The following PINLYP variants were observed in gnomAD, a reference collection of about 807,000 sequenced individuals.
PINLYP encodes phospholipase A2 inhibitor and Ly6/PLAUR domain-containing protein.
A neutral mutation model predicts 15.8 loss-of-function variants in PINLYP; 12 were observed. That is an observed-to-expected ratio of 0.76 (90% CI 0.49 to 1.23). PINLYP has a LOEUF of 1.23. Ranked by LOEUF, PINLYP falls within the 50% of genes most tolerant of loss-of-function variation. PINLYP has a pLI of 0.00. For missense variants in PINLYP, 278 were observed against 264.2 expected (o/e 1.05, Z -0.36); for synonymous variants, 93 against 97.7 (o/e 0.95, Z 0.28).
chr19:43,581,816 T>G, intron 5 of PINLYP, 52 bp from the exon 6 acceptor site: 1 of 1,535,366 alleles, frequency 6.5e-7, no homozygotes, highest in Non-Finnish European at 8.7e-7. Context: ...TCTGGGATTA[T>G]GAGGAAGAAG....
intron 2 of PINLYP, among the ~76,000 whole-genome samples, chr19:43,577,842 G>A (rs1463028192): frequency 1.3e-5 from 2 of 152,090 alleles, no homozygotes. Flanking sequence ...GGAGGCAAAG[G>A]TTGCAGTGAG....
chr19:43,581,890 T>A, exon 6 of PINLYP: 1 of 1,536,772 alleles, frequency 6.5e-7, no homozygotes, highest in Non-Finnish European at 8.7e-7. Flanking sequence ...CCAGATTTGC[T>A]ATGCGGGGCT....
At chr19:43,579,966 A>G (rs1470127845) in intron 3 of PINLYP, among the ~76,000 whole-genome samples, 1 of 152,036 alleles carries the variant, frequency 6.6e-6, no homozygotes, top group Non-Finnish European at 1.5e-5. Context: ...CAGACCTGAA[A>G]AATGATGGAG....
At chr19:43,578,744 G>C in intron 3 of PINLYP, 38 bp downstream of exon 3, 1 of 1,472,862 alleles carries the variant, frequency 6.8e-7, no homozygotes, top group Non-Finnish European at 9.2e-7. Context: ...GGGGAGGTGG[G>C]GTGTACCTTC....
Position 43,576,091 on chromosome 19 carries a change from A to G in PINLYP, c.-906A>G, listed in dbSNP as rs1972859179. 6.6e-6 allele frequency: 1 copy of G among 151,902 alleles called. No homozygotes were observed. Among genetic ancestry groups the G allele is most frequent in the Non-Finnish European group, 1.5e-5 (1 of 67,992 alleles). The allele number at this position is 151,902 out of a possible 1,614,324, so 9.4% of individuals were successfully genotyped here. On this transcript the variant is annotated 5_prime_UTR_variant, in exon 1 of 6. It removes an upstream start codon present in the reference 5' UTR. Coordinates refer to ENST00000599207, the Ensembl canonical transcript of PINLYP. ...TAATTTTTGTATTTTTTGTGGAGAC[A>G]TGGGGTGAGAGGGCGGCGGGTCTTG...
intron 3 of PINLYP, 79 bp downstream of exon 3, chr19:43,578,785 G>C (rs1255132234): frequency 1.8e-6 from 2 of 1,090,570 alleles, no homozygotes; most frequent in African/African-American, 1.6e-5. Context: ...GCTGAGGGGG[G>C]ATCATCATGG....
At chr19:43,575,545 G>C, upstream of PINLYP, 1 of 1,426,376 alleles carries the variant, frequency 7.0e-7, no homozygotes, top group Non-Finnish European at 9.6e-7. Context: ...GGCGGGGTGC[G>C]CCCTGCGCTG....
intron 3 of PINLYP, chr19:43,580,477 G>A: frequency 3.1e-6 from 3 of 961,138 alleles, no homozygotes; most frequent in Non-Finnish European, 3.7e-6. Context: ...GCTGGGACCG[G>A]GGTTCATTGG....
chr19:43,575,551 CG>C, upstream of PINLYP: 2 of 1,422,128 alleles, frequency 1.4e-6, no homozygotes, highest in African/African-American at 1.4e-5. Flanking sequence ...GTGCGCCCTG[CG>C]CTGGCTAAAG....
chr19:43,580,251 GGAGA>G (rs1972914166), intron 3 of PINLYP: 1 of 152,508 alleles, frequency 6.6e-6, no homozygotes, highest in Non-Finnish European at 1.5e-5. Context: ...CGGGAAGGGA[GGAGA>G]GAGAGCTGGG....
chr19:43,581,587 A>G (rs1312402301), exon 5 of PINLYP: 2 of 1,536,322 alleles, frequency 1.3e-6, no homozygotes, highest in Non-Finnish European at 1.7e-6. Flanking sequence ...CTTACTGAGA[A>G]TGGCCTGATG....
rs3213241 is a variant in PINLYP at position 43,576,786 on chromosome 19, G to A, written c.-211G>A. The A allele has an allele frequency of 1.5e-3, 310 of 205,884 alleles. 2 individuals are homozygous for A. The highest frequency in any genetic ancestry group is 6.6e-3 in the African/African-American group (285 of 43,134). The allele number at this position is 205,884 out of a possible 1,614,324, so 12.8% of individuals were successfully genotyped here. A position where few individuals can be genotyped will look rare whatever the true frequency, so the allele number is the denominator to read the frequency against. On this transcript the variant is annotated 5_prime_UTR_variant, in exon 1 of 6. The change creates a premature stop within an existing upstream ORF in the 5' untranslated region. Transcript: ENST00000599207. ...CCAAGGTGGGGCCCTACCCACACTG[G>A]GTGCTTCCTTGGGAGGAGAGGGGAA... is the stretch of plus-strand genomic sequence containing the variant.
At chr19:43,575,860 C>T (rs897664116) in exon 1 of PINLYP, 11 of 178,636 alleles carry the variant, frequency 6.2e-5, no homozygotes, top group Middle Eastern at 2.2e-3. Flanking sequence ...ACACTGAAGC[C>T]GAGAAAGCAA....
upstream of PINLYP, chr19:43,575,532 G>T: frequency 6.6e-7 from 1 of 1,513,326 alleles, no homozygotes; most frequent in South Asian, 1.2e-5. Flanking sequence ...GAGAGTGGGA[G>T]GGGGCGGGGT....
exon 1 of PINLYP, chr19:43,576,796 T>G (rs1600064913): frequency 1.4e-5 from 3 of 209,528 alleles, no homozygotes; most frequent in Non-Finnish European, 2.9e-5. Context: ...GGTGCTTCCT[T>G]GGGAGGAGAG....
chr19:43,575,606 C>T (rs1972851791), upstream of PINLYP: 3 of 705,240 alleles, frequency 4.3e-6, no homozygotes, highest in East Asian at 3.1e-5. Flanking sequence ...CCCGGCGCGC[C>T]GGCGCCGGCG....
upstream of PINLYP, chr19:43,575,748 C>T: frequency 2.9e-6 from 1 of 343,874 alleles, no homozygotes. Flanking sequence ...CTCCCAATGA[C>T]GTCCGAACCC....
At chr19:43,578,755 A>G in intron 3 of PINLYP, 49 bp downstream of exon 3, 1 of 1,377,080 alleles carries the variant, frequency 7.3e-7, no homozygotes, top group Non-Finnish European at 1.0e-6. Context: ...GTGTACCTTC[A>G]GGGTGGAAGA....
exon 1 of PINLYP, chr19:43,576,805 A>G: frequency 4.6e-6 from 1 of 217,566 alleles, no homozygotes; most frequent in Non-Finnish European, 9.3e-6. Context: ...TTGGGAGGAG[A>G]GGGGAAGAGA....
Sources: gnomAD v4.1 joint callset for allele counts (sites outside exome capture counted in the v4.1 genomes callset) on GRCh38, gnomAD v4.1.1 for gene constraint, MANE v1.5 for transcripts, NCBI Gene and HGNC (gene_info 2026-07-23, HGNC 2026-07-21) for gene names.